Variants in CCDC178 observed in about 807,000 individuals in gnomAD.
The protein encoded by CCDC178 is coiled-coil domain-containing protein 178.
In CCDC178, 126 loss-of-function variants were observed where a neutral mutation model predicts 117.4. The observed-to-expected ratio is 1.07, with a 90% CI of 0.93 to 1.24. The LOEUF (loss-of-function observed/expected upper bound fraction) is 1.24, where lower values mean the gene tolerates loss of function less well. CCDC178 is among the 50% of genes most tolerant of loss of function. The pLI is 0.00. For missense variants in CCDC178, 1,030 were observed against 986.9 expected (o/e 1.04, Z -0.59); for synonymous variants, 283 against 313.4 (o/e 0.90, Z 1.02).
At chr18:33,277,358 G>A (rs904081820) in intron 12 of CCDC178, among the ~76,000 whole-genome samples, 5 of 151,996 alleles carry the variant, frequency 3.3e-5, no homozygotes, top group Non-Finnish European at 7.4e-5. Flanking sequence ...AATAATTTAC[G>A]AATACACTTT....
chr18:33,360,454 C>T (rs2063110291), intron 6 of CCDC178, among the ~76,000 whole-genome samples: 1 of 151,162 alleles, frequency 6.6e-6, no homozygotes, highest in South Asian at 2.1e-4. Context: ...CAATGTGGAT[C>T]GACCTCCCAC....
chr18:32,979,947 A>C (rs1407360825), intron 21 of CCDC178, among the ~76,000 whole-genome samples: 3 of 152,226 alleles, frequency 2.0e-5, no homozygotes, highest in Non-Finnish European at 4.4e-5. Context: ...ATATCACTAC[A>C]AATCAGTGCG....
chr18:33,116,645 T>C (rs1042268212), intron 20 of CCDC178, among the ~76,000 whole-genome samples: 3 of 152,074 alleles, frequency 2.0e-5, no homozygotes, highest in African/African-American at 4.8e-5. Context: ...CTGAGGTTCC[T>C]GTTTTCCTGT....
At chr18:33,380,169 C>T (rs1047573709) in intron 5 of CCDC178, among the ~76,000 whole-genome samples, 10 of 152,124 alleles carry the variant, frequency 6.6e-5, no homozygotes, top group African/African-American at 2.2e-4. Flanking sequence ...CCAAGCTGAT[C>T]GTGATTGCAA....
chr18:32,993,625 C>T (rs906198182), intron 21 of CCDC178, among the ~76,000 whole-genome samples: 1 of 152,132 alleles, frequency 6.6e-6, no homozygotes, highest in Non-Finnish European at 1.5e-5. Flanking sequence ...CCCAGCATCA[C>T]CTTGAATGTG....
At chr18:33,249,903 T>C (rs2059598437) in intron 14 of CCDC178, among the ~76,000 whole-genome samples, 1 of 152,084 alleles carries the variant, frequency 6.6e-6, no homozygotes, top group African/African-American at 2.4e-5. Flanking sequence ...TCCATGAGCA[T>C]GGAATGTTCT....
chr18:33,219,831 G>A (rs1599016429), intron 18 of CCDC178, among the ~76,000 whole-genome samples: 1 of 151,910 alleles, frequency 6.6e-6, no homozygotes, highest in Non-Finnish European at 1.5e-5. Context: ...TGTAAATGAC[G>A]AGTTAATGGG....
chr18:33,375,215 A>C (rs561846953), intron 5 of CCDC178, among the ~76,000 whole-genome samples: 63 of 152,322 alleles, frequency 4.1e-4, no homozygotes, highest in African/African-American at 1.4e-3. Flanking sequence ...TATACTAAAA[A>C]ACATTGTAGA....
chr18:33,408,441 C>A (rs1246886073), intron 3 of CCDC178, among the ~76,000 whole-genome samples: 1 of 151,654 alleles, frequency 6.6e-6, no homozygotes, highest in East Asian at 1.9e-4. Context: ...AATGATTTAA[C>A]AAACATTAGT....
chr18:33,339,201 G>T (rs2062781427), intron 9 of CCDC178, among the ~76,000 whole-genome samples: 1 of 151,950 alleles, frequency 6.6e-6, no homozygotes, highest in Admixed American at 6.6e-5. Flanking sequence ...GAGAAATATA[G>T]AGGTTTAAAT....
intron 2 of CCDC178, among the ~76,000 whole-genome samples, chr18:33,430,729 A>G (rs763687654): frequency 3.9e-5 from 6 of 152,212 alleles, no homozygotes; most frequent in Non-Finnish European, 7.3e-5. Flanking sequence ...TTTGCAAAAC[A>G]TAGTCTAACC....
chr18:33,385,623 A>G lies in CCDC178; in HGVS notation c.208+3917T>C, dbSNP rs865973068. 7.2e-4 allele frequency among the ~76,000 whole-genome samples: 110 copies of G among 152,342 alleles called. 1 individual carries two copies. The highest frequency in any genetic ancestry group is 2.4e-3 in the African/African-American group (98 of 41,588). ...GCTCCTGAATGACTCCGGAGTAAAT[A>G]ATGAAATTAAGACAGATATCAAGAA... On this transcript the variant is annotated intron_variant, in intron 5 of 22. Transcript: ENST00000383096.
At chr18:33,360,624 C>CA (rs1230724186) in intron 6 of CCDC178, among the ~76,000 whole-genome samples, 8 of 151,486 alleles carry the variant, frequency 5.3e-5, no homozygotes, top group Non-Finnish European at 7.4e-5. Flanking sequence ...CAATGCTACA[C>CA]AAAAAAACCT....
chr18:33,257,515 T>C (rs1270787771), intron 14 of CCDC178, among the ~76,000 whole-genome samples: 1 of 152,118 alleles, frequency 6.6e-6, no homozygotes. Flanking sequence ...AAGCCAAATA[T>C]CAGTTGGGAA....
intron 14 of CCDC178, among the ~76,000 whole-genome samples, chr18:33,261,244 C>T (rs920747106): frequency 5.9e-5 from 9 of 152,038 alleles, no homozygotes; most frequent in Non-Finnish European, 7.4e-5. Context: ...CCACCACGCC[C>T]GGCTAATTTT....
intron 20 of CCDC178, among the ~76,000 whole-genome samples, chr18:33,168,340 A>C (rs1457509098): frequency 6.6e-6 from 1 of 152,022 alleles, no homozygotes; most frequent in Non-Finnish European, 1.5e-5. Flanking sequence ...TTGAATAGAG[A>C]GTCGTCTTCC....
intron 2 of CCDC178, among the ~76,000 whole-genome samples, chr18:33,419,380 T>C (rs1053100911): frequency 5.3e-5 from 8 of 152,208 alleles, no homozygotes; most frequent in African/African-American, 1.4e-4. Flanking sequence ...ACATAGGCCC[T>C]GGCAAAGATT....
intron 21 of CCDC178, among the ~76,000 whole-genome samples, chr18:33,063,797 G>A (rs2056969078): frequency 6.6e-6 from 1 of 152,110 alleles, no homozygotes; most frequent in Non-Finnish European, 1.5e-5. Flanking sequence ...TGGCATGCCT[G>A]GCCCACCACC....
chr18:33,049,712 C>G (rs1001174277), intron 21 of CCDC178, among the ~76,000 whole-genome samples: 1 of 152,106 alleles, frequency 6.6e-6, no homozygotes, highest in African/African-American at 2.4e-5. Flanking sequence ...TGCTAATCAA[C>G]AGTAACAGAA....
Sources: gnomAD v4.1 joint callset for allele counts (sites outside exome capture counted in the v4.1 genomes callset) on GRCh38, gnomAD v4.1.1 for gene constraint, MANE v1.5 for transcripts, NCBI Gene and HGNC (gene_info 2026-07-23, HGNC 2026-07-21) for gene names.